Variants in PCDH15 observed in about 807,000 individuals in gnomAD.
PCDH15 encodes protocadherin-15.
In PCDH15, 129 loss-of-function variants were observed where a neutral mutation model predicts 178.5. The observed-to-expected ratio is 0.72, with a 90% CI of 0.63 to 0.84. PCDH15 has a LOEUF of 0.84. Among genes scored for constraint, PCDH15 ranks in the 40% least tolerant of loss-of-function variants. The pLI is 0.00. For synonymous variants in PCDH15, 800 were observed against 732.0 expected (o/e 1.09, Z -1.50); for missense variants, 2,230 against 2,099.9 (o/e 1.06, Z -1.21).
At chr10:55,441,220 G>T (rs929813093) in intron 2 of PCDH15, among the ~76,000 whole-genome samples, 1 of 152,166 alleles carries the variant, frequency 6.6e-6, no homozygotes, top group African/African-American at 2.4e-5. Flanking sequence ...ACCCACCTCT[G>T]TAACCAATCA....
At chr10:54,053,600 A>T (rs1391435715) in intron 18 of PCDH15, among the ~76,000 whole-genome samples, 1 of 152,190 alleles carries the variant, frequency 6.6e-6, no homozygotes, top group African/African-American at 2.4e-5. Context: ...TATCTGAGTT[A>T]TCTTTAAAAA....
rs1838415724 is a variant in PCDH15 at position 55,143,697 on chromosome 10, TGC to T, written c.-80+22877_-80+22878del. 3.9e-5 allele frequency among the ~76,000 whole-genome samples: 6 copies of T among 152,210 alleles called. No homozygotes were observed. In the South Asian group the frequency reaches 1.0e-3, roughly 26 times the overall value. ...TATATTTCAAGTAGAGACCAGTAAT[TGC>T]ATAGCACTTTTTGAGTCCCCTGACT... On this transcript the variant is annotated intron_variant, in intron 2 of 5. Transcript: ENST00000458638.
intron 2 of PCDH15, among the ~76,000 whole-genome samples, chr10:55,098,493 C>T (rs544559839): frequency 2.0e-5 from 3 of 152,210 alleles, no homozygotes; most frequent in South Asian, 2.1e-4. Context: ...TGGAAGCTTT[C>T]GTGGGTGAAT....
intron 1 of PCDH15, among the ~76,000 whole-genome samples, chr10:55,292,248 G>A (rs879743940): frequency 2.6e-5 from 4 of 152,212 alleles, no homozygotes; most frequent in Non-Finnish European, 5.9e-5. Flanking sequence ...TAGATACAAT[G>A]AGGTAACAGG....
At chr10:54,652,094 T>C (rs1185325674) in intron 2 of PCDH15, among the ~76,000 whole-genome samples, 2 of 152,178 alleles carry the variant, frequency 1.3e-5, no homozygotes, top group African/African-American at 4.8e-5. Context: ...TAAATGTAGA[T>C]AGAAAATGAC....
At chr10:55,177,844 C>T (rs139324191) in intron 1 of PCDH15, among the ~76,000 whole-genome samples, 87 of 151,232 alleles carry the variant, frequency 5.8e-4, no homozygotes, top group African/African-American at 2.0e-3. Context: ...TTGGAGAACC[C>T]AGATTGGACT....
chr10:55,395,889 T>G (rs1289861816), intron 2 of PCDH15, among the ~76,000 whole-genome samples: 1 of 152,048 alleles, frequency 6.6e-6, no homozygotes, highest in Non-Finnish European at 1.5e-5. Context: ...TATTATACAA[T>G]GCATCCCAGC....
intron 18 of PCDH15, among the ~76,000 whole-genome samples, chr10:54,065,037 T>A (rs1486447263): frequency 1.3e-5 from 2 of 152,188 alleles, no homozygotes; most frequent in Non-Finnish European, 2.9e-5. Flanking sequence ...CTGCTCCAGA[T>A]GGGCCACTGC....
At chr10:54,350,624 A>G (rs566147771) in intron 5 of PCDH15, among the ~76,000 whole-genome samples, 3 of 152,370 alleles carry the variant, frequency 2.0e-5, no homozygotes, top group Admixed American at 6.5e-5. Flanking sequence ...GGCTCTAATG[A>G]AGAGGCCTAT....
At chr10:55,445,205 T>C (rs538670180) in intron 2 of PCDH15, among the ~76,000 whole-genome samples, 1 of 152,296 alleles carries the variant, frequency 6.6e-6, no homozygotes, top group African/African-American at 2.4e-5. Flanking sequence ...TCTTCAGTGT[T>C]CACCTAATGA....
rs16906798 is a variant in PCDH15 at position 55,008,852 on chromosome 10, G to C, written c.-79-111352C>G. 4.1e-3 allele frequency among the ~76,000 whole-genome samples: 617 copies of C among 151,564 alleles called. 1 individual carries two copies. The highest frequency in any genetic ancestry group is 0.035 in the East Asian group (177 of 5,088). On this transcript the variant is annotated intron_variant, in intron 2 of 5. Coordinates refer to the PCDH15 transcript ENST00000458638. ...AAATTACTAAACATCAACAGCTACA[G>C]TGGTTACTGCTGCCCATTCCTTGAT...
At chr10:55,240,984 A>C (rs574757192) in intron 1 of PCDH15, among the ~76,000 whole-genome samples, 81 of 152,328 alleles carry the variant, frequency 5.3e-4, no homozygotes, top group African/African-American at 1.9e-3. Flanking sequence ...TGGGAGGCCA[A>C]GGCGGGCGGA....
Position 55,313,587 on chromosome 10 carries a change from T to C in PCDH15, c.-156+6012A>G, listed in dbSNP as rs186581994. Among the ~76,000 whole-genome samples, 378 of 152,336 alleles carry C rather than the reference T, an allele frequency of 2.5e-3. 2 individuals carry two copies. The highest frequency in any genetic ancestry group is 6.8e-3 in the Middle Eastern group (2 of 294). On this transcript the variant is annotated intron_variant, in intron 1 of 5. Coordinates refer to the PCDH15 transcript ENST00000458638. ...GTGCATAGGACAATTAATCTTTGAA[T>C]TATTAGGCAAATAAAAATTTCTATA...
intron 25 of PCDH15, among the ~76,000 whole-genome samples, chr10:53,910,272 A>T (rs764395038): frequency 2.0e-5 from 3 of 152,138 alleles, no homozygotes; most frequent in Non-Finnish European, 2.9e-5. Flanking sequence ...CTGACACTGC[A>T]TACAGGTGGG....
intron 2 of PCDH15, among the ~76,000 whole-genome samples, chr10:54,905,139 G>A (rs1364050982): frequency 6.6e-6 from 1 of 151,920 alleles, no homozygotes; most frequent in East Asian, 2.0e-4. Context: ...TGGCCTCAAA[G>A]TCCAGATTCT....
At chr10:54,043,468 A>G (rs2093593057) in intron 18 of PCDH15, among the ~76,000 whole-genome samples, 1 of 151,802 alleles carries the variant, frequency 6.6e-6, no homozygotes, top group African/African-American at 2.4e-5. Flanking sequence ...ACCACAGCTC[A>G]CTGCAGCTTT....
intron 2 of PCDH15, among the ~76,000 whole-genome samples, chr10:54,555,183 T>A (rs996072666): frequency 1.3e-5 from 2 of 152,094 alleles, no homozygotes; most frequent in Non-Finnish European, 2.9e-5. Context: ...TCAGGCACAG[T>A]AATATAGTTT....
At chr10:54,401,481 A>G (rs114181239) in intron 3 of PCDH15, among the ~76,000 whole-genome samples, 2,787 of 152,020 alleles carry the variant, frequency 0.018, 95 homozygotes, top group African/African-American at 0.064. Flanking sequence ...AAGAGCAAAG[A>G]GAAACCTGAA....
chr10:54,474,099 C>A (rs1018017574), intron 3 of PCDH15, among the ~76,000 whole-genome samples: 2 of 151,692 alleles, frequency 1.3e-5, no homozygotes, highest in Non-Finnish European at 2.9e-5. Context: ...TTTCTATATT[C>A]GAATTGCAAA....
Sources: allele counts gnomAD v4.1 joint callset (sites outside exome capture counted in the v4.1 genomes callset), GRCh38; gene constraint gnomAD v4.1.1; transcripts MANE v1.5; gene names NCBI Gene and HGNC (gene_info 2026-07-23, HGNC 2026-07-21).